The following GSR variants were observed in gnomAD, a reference collection of about 807,000 sequenced individuals.
GSR encodes the protein glutathione reductase, mitochondrial.
A neutral mutation model predicts 56.5 loss-of-function variants in GSR; 48 were observed. That is an observed-to-expected ratio of 0.85 (90% CI 0.67 to 1.08). The LOEUF (loss-of-function observed/expected upper bound fraction) is 1.08. Among genes scored for constraint, GSR ranks in the 50% least tolerant of loss-of-function variants. GSR has a pLI of 0.00. For missense variants in GSR, 694 were observed against 703.3 expected, an observed-to-expected ratio of 0.99 and a Z score of 0.15; for synonymous variants, 264 against 270.8, an observed-to-expected ratio of 0.97 and a Z score of 0.25.
At chr8:30,716,138 T>A (rs1804325943) in intron 1 of GSR, among the ~76,000 whole-genome samples, 1 of 152,220 alleles carries the variant, frequency 6.6e-6, no homozygotes, top group South Asian at 2.1e-4. Flanking sequence ...ATACAGTCCC[T>A]GCTCTTGGGG....
At chr8:30,684,257 T>G (rs1425098831) in intron 9 of GSR, 58 bp from the exon 10 acceptor site, 1 of 938,090 alleles carries the variant, frequency 1.1e-6, no homozygotes, top group African/African-American at 1.6e-5. Flanking sequence ...AAAAGGTAGA[T>G]CAAACCTCTG....
At chr8:30,705,882 C>A (rs1803903541) in intron 4 of GSR, among the ~76,000 whole-genome samples, 1 of 152,206 alleles carries the variant, frequency 6.6e-6, no homozygotes, top group Non-Finnish European at 1.5e-5. Flanking sequence ...GGAAAATTCA[C>A]CCTCCAAAAA....
Position 30,712,068 on chromosome 8 carries a change from G to A in GSR, c.327C>T (p.Pro109=). Residue 109 remains proline (P), a synonymous_variant, in exon 2 of 13, where the codon CCC becomes CCT. Transcript: ENST00000221130. ...AGAGAAATAAAAATTCTACCTTTTT[G>A]GGTACACATCCAACATTCACCTGGA... The part of the protein sequence containing the change: ...GGTCVNVGCV[P]KKVMWNTAVH... 7.0e-7 allele frequency: 1 copy of A among 1,428,554 alleles called. No homozygotes were observed. Among genetic ancestry groups the A allele is most frequent in the Non-Finnish European group, 9.8e-7 (1 of 1,018,860 alleles). 88.5% of individuals were successfully genotyped at this position (1,428,554 alleles called of 1,614,324 possible).
rs1191265876 is a variant in GSR at position 30,689,169 on chromosome 8, T to C, written c.1033A>G (p.Asn345Asp). 1 of 1,613,990 alleles carries C rather than the reference T, an allele frequency of 6.2e-7. No individual in the cohort carries two copies. Among genetic ancestry groups the C allele is most frequent in the South Asian group, 1.1e-5 (1 of 91,070 alleles). The stretch of plus-strand genomic sequence containing the variant: ...AGACCAAGCCAGCTTACCAGTTTGT[T>C]TAAACTCAGGTCCTTGGTATTCGGG... ...RVPNTKDLSL[N>D]KLGIQTDDKG... is the part of the protein sequence containing the mutation. The change falls in exon 9 of 13, where the codon AAC becomes GAC. Residue 345 changes from asparagine to aspartate, a missense_variant. Coordinates refer to ENST00000221130, the MANE Select transcript of GSR (RefSeq NM_000637.5).
chr8:30,707,844 C>A, intron 4 of GSR, among the ~76,000 whole-genome samples: 1 of 151,940 alleles, frequency 6.6e-6, no homozygotes, highest in Non-Finnish European at 1.5e-5. Flanking sequence ...GTAGTCCCAG[C>A]TACTCAGGAG....
intron 2 of GSR, among the ~76,000 whole-genome samples, chr8:30,710,791 A>G (rs1190786497): frequency 6.6e-6 from 1 of 150,706 alleles, no homozygotes; most frequent in African/African-American, 2.4e-5. Context: ...ACATACATAA[A>G]TGTCTACCGC....
In GSR at chr8:30,689,300, G is replaced by C. The variant is rs1004296249; in HGVS notation, c.902C>G (p.Thr301Ser). The change falls in exon 9 of 13, where the codon ACT becomes AGT. Residue 301 changes from threonine (T) to serine (S), a missense_variant. Thr to Ser is a moderately conservative substitution (Grantham distance 58). Transcript: ENST00000221130. Reference protein sequence around the residue: ...KFSQVKEVKKTLSGLEVSMVT... With the variant: ...KFSQVKEVKKSLSGLEVSMVT... ...CATGCTGACTTCCAAGCCCGACAAA[G>C]TCTTTTTAACCTCCTTGACCTATTG... The C allele has an allele frequency of 6.2e-7, 1 of 1,614,040 alleles. No individual in the cohort carries two copies.
At chr8:30,685,985 CAAAAAAAAAA>C (rs71206274) in intron 9 of GSR, among the ~76,000 whole-genome samples, 12 of 37,234 alleles carry the variant, frequency 3.2e-4, no homozygotes, top group East Asian at 1.2e-3. Context: ...GACTCTGCCT[CAAAAAAAAAA>C]AAAAAAAAAA....
At chr8:30,697,783 G>A (rs988510106) in intron 6 of GSR, among the ~76,000 whole-genome samples, 6 of 152,154 alleles carry the variant, frequency 3.9e-5, no homozygotes, top group Admixed American at 1.3e-4. Flanking sequence ...CGAACTCCTA[G>A]GCTCAAGTGA....
At chr8:30,721,643 A>G (rs976883224) in intron 1 of GSR, among the ~76,000 whole-genome samples, 7 of 130,242 alleles carry the variant, frequency 5.4e-5, no homozygotes, top group Non-Finnish European at 8.5e-5. Flanking sequence ...ACAGAGTGAG[A>G]CTTCGTGTCA....
chr8:30,693,310 A>G (rs975610341), intron 7 of GSR, among the ~76,000 whole-genome samples: 1 of 152,126 alleles, frequency 6.6e-6, no homozygotes, highest in Non-Finnish European at 1.5e-5. Flanking sequence ...TTCTCCTCAC[A>G]AAGCTTGCTT....
intron 4 of GSR, among the ~76,000 whole-genome samples, chr8:30,707,482 T>C (rs1279475552): frequency 6.6e-6 from 1 of 152,092 alleles, no homozygotes; most frequent in Non-Finnish European, 1.5e-5. Flanking sequence ...GGCAACACAG[T>C]GAGAAATCTC....
chr8:30,692,964 T>C lies in GSR; in HGVS notation c.882+5A>G, dbSNP rs763800719. The C allele has an allele frequency of 6.3e-7, 1 of 1,594,400 alleles. No homozygotes were observed. The highest frequency in any genetic ancestry group is 1.1e-5 in the South Asian group (1 of 90,680). On this transcript the variant is annotated splice_donor_5th_base_variant and intron_variant, in intron 8 of 12. Coordinates refer to ENST00000221130, the MANE Select transcript of GSR (RefSeq NM_000637.5). ...CCGCGTGCATGCCTGGGCTTGGCAC[T>C]GTACCTGGGAGAACTTCAGCACCTC... is the stretch of plus-strand genomic sequence containing the variant.
At chr8:30,727,434 CG>C (rs1278663163) in intron 1 of GSR, 95 bp downstream of exon 1, 10 of 1,195,988 alleles carry the variant, frequency 8.4e-6, no homozygotes, top group African/African-American at 7.9e-5. Flanking sequence ...AGCCCAGCGC[CG>C]GGGGACAGGA....
At chr8:30,723,154 A>C (rs1804603861) in intron 1 of GSR, among the ~76,000 whole-genome samples, 2 of 152,162 alleles carry the variant, frequency 1.3e-5, no homozygotes, top group South Asian at 2.1e-4. Context: ...GCAGCAATTT[A>C]GAAACAACTT....
Position 30,727,695 on chromosome 8 carries a change from C to G in GSR, c.141G>C (p.Arg47Ser). 7.7e-6 allele frequency: 11 copies of G among 1,434,494 alleles called. No individual in the cohort carries two copies. Among genetic ancestry groups the G allele is most frequent in the Non-Finnish European group, 1.0e-5 (11 of 1,103,128 alleles). 88.9% of individuals were successfully genotyped at this position (1,434,494 alleles called of 1,614,324 possible). Reference sequence around the variant, plus strand: ...GCGGGCCCTGCGGCTGCGGCTCCTGCCTGCAGGCCATGGCACGGGAGAGGG... The same window carrying G: ...GCGGGCCCTGCGGCTGCGGCTCCTGGCTGCAGGCCATGGCACGGGAGAGGG... ...TRALSRAMAC[R>S]QEPQPQGPPP... Residue 47 changes from arginine to serine, a missense_variant, in exon 1 of 13, where the codon AGG (arginine) becomes AGC (serine). Coordinates refer to ENST00000221130, the MANE Select transcript of GSR (RefSeq NM_000637.5).
intron 1 of GSR, among the ~76,000 whole-genome samples, chr8:30,723,192 G>A (rs1331406459): frequency 6.6e-6 from 1 of 152,166 alleles, no homozygotes; most frequent in Non-Finnish European, 1.5e-5. Context: ...CCCATCACGT[G>A]TGTAGGCAGA....
chr8:30,696,213 G>A (rs753977680), intron 7 of GSR, among the ~76,000 whole-genome samples, 167 bp downstream of exon 7: 2 of 152,082 alleles, frequency 1.3e-5, no homozygotes, highest in Admixed American at 6.6e-5. Flanking sequence ...CAGCAACTGG[G>A]AGGGATATAG....
chr8:30,696,519 A>AGTTT, intron 6 of GSR, 40 bp from the exon 7 acceptor site: 1 of 1,316,446 alleles, frequency 7.6e-7, no homozygotes, highest in Non-Finnish European at 1.1e-6. Context: ...TAAATAAACT[A>AGTTT]ATTTTGGAAT....
Sources: gnomAD v4.1 joint callset for allele counts (sites outside exome capture counted in the v4.1 genomes callset) on GRCh38, gnomAD v4.1.1 for gene constraint, MANE v1.5 for transcripts, NCBI Gene and HGNC (gene_info 2026-07-23, HGNC 2026-07-21) for gene names.